SYN3: variants seen among roughly 807,000 people sequenced by gnomAD.
SYN3 encodes the protein synapsin-3.
SYN3 carries 35 observed loss-of-function variants against 65.8 expected under a neutral mutation model. That is an observed-to-expected ratio of 0.53 (90% CI 0.41 to 0.70). The LOEUF is 0.70. Ranked by LOEUF, SYN3 falls within the 30% of genes least tolerant of loss-of-function variation. The pLI, the probability that SYN3 is intolerant of heterozygous loss-of-function variation, is 0.00. For missense variants in SYN3, 680 were observed against 749.0 expected (o/e 0.91, Z 1.08); for synonymous variants, 270 against 292.9 (o/e 0.92, Z 0.80).
At chr22:32,694,504 T>A (rs924127236) in intron 6 of SYN3, among the ~76,000 whole-genome samples, 46 of 152,230 alleles carry the variant, frequency 3.0e-4, no homozygotes, top group Admixed American at 1.4e-3. Context: ...CAACACAGGG[T>A]TGAACTGTGT....
intron 6 of SYN3, among the ~76,000 whole-genome samples, chr22:32,611,921 C>T (rs1304277954): frequency 6.6e-6 from 1 of 152,168 alleles, no homozygotes; most frequent in Non-Finnish European, 1.5e-5. Flanking sequence ...ACCCTTCATC[C>T]TCTGGGAAGG....
chr22:32,546,179 T>C (rs541457229), intron 7 of SYN3, among the ~76,000 whole-genome samples: 3 of 152,294 alleles, frequency 2.0e-5, no homozygotes, highest in African/African-American at 7.2e-5. Context: ...GGAACCACCA[T>C]TTCTGTCTCC....
chr22:32,648,957 A>T (rs1197312971), intron 6 of SYN3, among the ~76,000 whole-genome samples: 1 of 152,192 alleles, frequency 6.6e-6, no homozygotes, highest in Non-Finnish European at 1.5e-5. Context: ...AGGCCCCTGG[A>T]TGTGAAGGAG....
At chr22:32,649,426 G>A (rs930241603) in intron 6 of SYN3, among the ~76,000 whole-genome samples, 5 of 152,230 alleles carry the variant, frequency 3.3e-5, no homozygotes, top group Non-Finnish European at 5.9e-5. Flanking sequence ...AGGCATTTTC[G>A]TATAGTCTAT....
intron 6 of SYN3, among the ~76,000 whole-genome samples, chr22:32,713,200 G>T (rs975699229): frequency 6.6e-5 from 10 of 152,166 alleles, no homozygotes; most frequent in Non-Finnish European, 2.9e-5. Context: ...ACTCATGGTT[G>T]ATCATTCTGT....
chr22:32,898,926 C>A (rs1449320587), intron 4 of SYN3, among the ~76,000 whole-genome samples: 1 of 152,108 alleles, frequency 6.6e-6, no homozygotes, highest in East Asian at 1.9e-4. Flanking sequence ...CATGGTGAAA[C>A]CCCATCTCTA....
chr22:32,789,542 C>G (rs1325156421), intron 6 of SYN3, among the ~76,000 whole-genome samples: 1 of 152,184 alleles, frequency 6.6e-6, no homozygotes, highest in Non-Finnish European at 1.5e-5. Context: ...CTATGGGGTA[C>G]TCCTAAGAAA....
At chr22:32,609,272 G>A (rs111634753) in intron 6 of SYN3, among the ~76,000 whole-genome samples, 2 of 151,766 alleles carry the variant, frequency 1.3e-5, no homozygotes, top group Non-Finnish European at 1.5e-5. Context: ...TTCGGTGAGC[G>A]GAGATGGAGC....
At chr22:32,676,786 G>T (rs2060452693) in intron 6 of SYN3, among the ~76,000 whole-genome samples, 1 of 150,434 alleles carries the variant, frequency 6.6e-6, no homozygotes, top group Non-Finnish European at 1.5e-5. Flanking sequence ...CTTGTGATCT[G>T]CCCACCTCGG....
At chr22:33,016,241 G>A (rs1391096764) in intron 1 of SYN3, among the ~76,000 whole-genome samples, 1 of 152,098 alleles carries the variant, frequency 6.6e-6, no homozygotes, top group East Asian at 1.9e-4. Context: ...CATATTCAAG[G>A]TTCACTACAA....
intron 6 of SYN3, among the ~76,000 whole-genome samples, chr22:32,620,225 A>G (rs1046681491): frequency 6.6e-6 from 1 of 152,234 alleles, no homozygotes; most frequent in African/African-American, 2.4e-5. Context: ...TGAAAATGCC[A>G]TGGTTCTTTA....
intron 3 of SYN3, among the ~76,000 whole-genome samples, chr22:32,951,004 G>A (rs1488576949): frequency 6.6e-6 from 1 of 152,060 alleles, no homozygotes; most frequent in Non-Finnish European, 1.5e-5. Context: ...GAATGAAACT[G>A]TATCATTAAA....
In SYN3 at chr22:32,578,286, GC is replaced by G. The variant is rs998298141; in HGVS notation, c.774+18387del. On this transcript the variant is annotated intron_variant, in intron 7 of 13. Coordinates refer to ENST00000358763, the MANE Select transcript of SYN3 (RefSeq NM_003490.4). ...CTTTCTGACAGGGTCTTACTCTGGGGCCTAGGCTGGAGTGCAGTGGCATGAT... is the reference window on the plus strand; with the variant it reads ...CTTTCTGACAGGGTCTTACTCTGGGGCTAGGCTGGAGTGCAGTGGCATGAT... Among the ~76,000 whole-genome samples, 8 of 149,672 alleles carry G rather than the reference GC, an allele frequency of 5.3e-5. No individual in the cohort carries two copies. In the Admixed American group the frequency reaches 5.4e-4, roughly 10 times the overall value.
At chr22:32,744,146 C>G (rs1173352802) in intron 6 of SYN3, among the ~76,000 whole-genome samples, 1 of 152,104 alleles carries the variant, frequency 6.6e-6, no homozygotes. Context: ...AGAGCAGATG[C>G]TACCTTCTCT....
At chr22:32,559,133 G>A (rs1046300504) in intron 7 of SYN3, among the ~76,000 whole-genome samples, 1 of 152,114 alleles carries the variant, frequency 6.6e-6, no homozygotes, top group Non-Finnish European at 1.5e-5. Flanking sequence ...GAACAACTGC[G>A]GCCCAGCAAG....
In SYN3 at chr22:32,811,771, T is replaced by TA. The variant is rs569404050; in HGVS notation, c.711+53143dup. On this transcript the variant is annotated intron_variant, in intron 6 of 13. Coordinates refer to ENST00000358763, the MANE Select transcript of SYN3 (RefSeq NM_003490.4). ...TTCTGTGGCTTAGCCATATAGCCAATACATGGAATGGGATTGGAACCCATG... is the reference window on the plus strand; with the variant it reads ...TTCTGTGGCTTAGCCATATAGCCAATAACATGGAATGGGATTGGAACCCATG... Among the ~76,000 whole-genome samples the TA allele has an allele frequency of 5.7e-3, 870 of 152,268 alleles. 11 individuals are homozygous for TA. The highest frequency in any genetic ancestry group is 0.018 in the African/African-American group (754 of 41,558).
chr22:32,809,317 C>T (rs1332835087), intron 6 of SYN3, among the ~76,000 whole-genome samples: 2 of 152,164 alleles, frequency 1.3e-5, no homozygotes, highest in Non-Finnish European at 2.9e-5. Flanking sequence ...ACCCATTTTG[C>T]GACCTCTCCA....
At position 33,019,576 on chromosome 22, in the gene SYN3, C is replaced by G. The variant is rs149674479; in HGVS notation, c.-162-12752G>C. ...ATAACTGATGTGACACAGTGCAAGGCCTGACATGTCAGGCACTACATGTAC... is the reference window on the plus strand; with the variant it reads ...ATAACTGATGTGACACAGTGCAAGGGCTGACATGTCAGGCACTACATGTAC... On this transcript the variant is annotated intron_variant, in intron 1 of 13. Coordinates refer to ENST00000358763, the MANE Select transcript of SYN3 (RefSeq NM_003490.4). 8.1e-4 allele frequency among the ~76,000 whole-genome samples: 123 copies of G among 152,322 alleles called. 1 individual carries two copies. In the East Asian group the frequency reaches 0.017, roughly 21 times the overall value.
chr22:32,896,239 G>T (rs1460715337), intron 4 of SYN3, among the ~76,000 whole-genome samples: 1 of 146,632 alleles, frequency 6.8e-6, no homozygotes, highest in East Asian at 2.3e-4. Context: ...AGGATCACAT[G>T]AGGTCAGCAG....
Sources: gnomAD v4.1 joint callset for allele counts (sites outside exome capture counted in the v4.1 genomes callset) on GRCh38, gnomAD v4.1.1 for gene constraint, MANE v1.5 for transcripts, NCBI Gene and HGNC (gene_info 2026-07-23, HGNC 2026-07-21) for gene names.